DYNLL1: variants seen among roughly 807,000 people sequenced by gnomAD.
The protein encoded by DYNLL1 is dynein light chain LC8-type 1, also known as dynein light chain 1, cytoplasmic.
In DYNLL1, 3 loss-of-function variants were observed where a neutral mutation model predicts 10.1. The ratio of observed to expected loss-of-function variants is 0.30; its 90% CI spans 0.14 to 0.77. DYNLL1 has a LOEUF of 0.77. DYNLL1 is among the 30% of genes least tolerant of loss of function. The probability of loss-of-function intolerance (pLI) is 0.66; values close to 1 mark genes in which losing one functional copy is unlikely to be tolerated. For synonymous variants in DYNLL1, 46 were observed against 41.2 expected (o/e 1.12, Z -0.45); for missense variants, 47 against 111.7 (o/e 0.42, Z 2.61).
At chr12:120,478,311 T>C (rs544787995) in intron 1 of DYNLL1, among the ~76,000 whole-genome samples, 146 of 151,508 alleles carry the variant, frequency 9.6e-4, no homozygotes, top group Non-Finnish European at 1.5e-3. Flanking sequence ...TTCTCCATGT[T>C]GGTCAGGCTG....
chr12:120,491,118 C>G (rs991376017), upstream of DYNLL1: 2 of 152,438 alleles, frequency 1.3e-5, no homozygotes, highest in African/African-American at 4.8e-5. Context: ...AATGTCTATT[C>G]TGTGTTGCTC....
chr12:120,498,047 T>C (rs752949866), intron 2 of DYNLL1, 26 bp from the exon 3 acceptor site: 8 of 1,609,452 alleles, frequency 5.0e-6, no homozygotes. Context: ...ATTAAAATCC[T>C]AGTTCTTTTC....
At chr12:120,493,105 C>T (rs76230314), upstream of DYNLL1, among the ~76,000 whole-genome samples, 6,894 of 152,224 alleles carry the variant, frequency 0.045, 260 homozygotes, top group South Asian at 0.099. Context: ...ACATATCACT[C>T]ATAGTGTCTG....
At chr12:120,480,897 C>T (rs1229798597) in intron 1 of DYNLL1, among the ~76,000 whole-genome samples, 1 of 151,838 alleles carries the variant, frequency 6.6e-6, no homozygotes, top group Non-Finnish European at 1.5e-5. Flanking sequence ...GTAGCTGGGA[C>T]TACAGGCGCC....
At chr12:120,486,080 G>A (rs1878987696) in intron 1 of DYNLL1, among the ~76,000 whole-genome samples, 1 of 152,172 alleles carries the variant, frequency 6.6e-6, no homozygotes, top group Non-Finnish European at 1.5e-5. Flanking sequence ...TAAAACCCCT[G>A]TAAATATTTC....
intron 1 of DYNLL1, among the ~76,000 whole-genome samples, chr12:120,480,358 G>A (rs1878854805): frequency 6.6e-6 from 1 of 152,224 alleles, no homozygotes; most frequent in South Asian, 2.1e-4. Flanking sequence ...AGTGTGTACT[G>A]TGCTAGATGC....
At chr12:120,485,028 C>T (rs1878961279) in intron 1 of DYNLL1, among the ~76,000 whole-genome samples, 1 of 151,886 alleles carries the variant, frequency 6.6e-6, no homozygotes, top group Non-Finnish European at 1.5e-5. Context: ...GCGTGAGCCA[C>T]CGCCCCTGGC....
intron 1 of DYNLL1, among the ~76,000 whole-genome samples, chr12:120,486,011 G>A (rs186872031): frequency 6.6e-6 from 1 of 152,054 alleles, no homozygotes; most frequent in Non-Finnish European, 1.5e-5. Context: ...CTACTACCAT[G>A]TGCATTTATT....
chr12:120,496,197 G>A lies in DYNLL1; in HGVS notation c.-26G>A, dbSNP rs899867631. The A allele has an allele frequency of 6.4e-5, 42 of 652,826 alleles. No homozygotes were observed. Among genetic ancestry groups the A allele is most frequent in the Admixed American group, 2.3e-4 (8 of 34,132 alleles). 40.4% of individuals were successfully genotyped at this position (652,826 alleles called of 1,614,324 possible). On this transcript the variant is annotated 5_prime_UTR_variant, in exon 1 of 3. Transcript: ENST00000242577. The stretch of plus-strand genomic sequence containing the variant: ...CCTCCCCCAGGAGACCGTTGCAGTC[G>A]GCCAGCCCCCTTCTCCACGGTGAGA...
At chr12:120,486,139 T>C (rs1878989270) in intron 1 of DYNLL1, among the ~76,000 whole-genome samples, 1 of 152,244 alleles carries the variant, frequency 6.6e-6, no homozygotes, top group Admixed American at 6.5e-5. Context: ...TGCAGTTGGC[T>C]GCACTCATTA....
At chr12:120,489,385 A>C (rs1200926497) in intron 1 of DYNLL1, among the ~76,000 whole-genome samples, 1 of 152,136 alleles carries the variant, frequency 6.6e-6, no homozygotes, top group African/African-American at 2.4e-5. Context: ...TATTCTTCTC[A>C]TTGTTCAGCT....
chr12:120,496,842 G>T (rs1868434924), intron 2 of DYNLL1: 2 of 583,376 alleles, frequency 3.4e-6, no homozygotes, highest in African/African-American at 1.9e-5. Context: ...CTTCTGTGTG[G>T]TTCCTGCGCC....
At chr12:120,495,331 C>T (rs912866861), upstream of DYNLL1, 2 of 152,178 alleles carry the variant, frequency 1.3e-5, no homozygotes, top group African/African-American at 2.4e-5. Flanking sequence ...GACAAAAACC[C>T]CGGGGCTCAA....
chr12:120,493,546 A>T (rs972419561), upstream of DYNLL1, among the ~76,000 whole-genome samples: 5 of 151,802 alleles, frequency 3.3e-5, no homozygotes, highest in Non-Finnish European at 7.4e-5. Flanking sequence ...ATACTTATTT[A>T]AAAAATAAAG....
chr12:120,479,468 A>AAATAATAATAATAATAATAAT (rs758249930), intron 1 of DYNLL1, among the ~76,000 whole-genome samples: 2 of 109,580 alleles, frequency 1.8e-5, no homozygotes, highest in African/African-American at 6.9e-5. Flanking sequence ...AAAAAAAAAA[A>AAATAATAATAATAATAATAAT]AATAATAATA....
intron 1 of DYNLL1, among the ~76,000 whole-genome samples, chr12:120,489,959 G>C (rs1430594325): frequency 6.6e-6 from 1 of 152,312 alleles, no homozygotes; most frequent in Non-Finnish European, 1.5e-5. Context: ...TGTTGCCCAG[G>C]CTGGTCCCGA....
Position 120,496,372 on chromosome 12 carries a change from G to T in DYNLL1, c.-6-44G>T, listed in dbSNP as rs1868399944. On this transcript the variant is annotated intron_variant, in intron 1 of 2. Coordinates refer to ENST00000242577, the MANE Select transcript of DYNLL1 (RefSeq NM_003746.3). Reference sequence around the variant, plus strand: ...GGGTGGGGGCAGTTAGTGCCTGGGGGGCGCGGCCCAACTCAACCCCTTACC... The same window carrying T: ...GGGTGGGGGCAGTTAGTGCCTGGGGTGCGCGGCCCAACTCAACCCCTTACC... The T allele has an allele frequency of 3.1e-6, 5 of 1,610,250 alleles. No individual in the cohort carries two copies. In the African/African-American group the frequency reaches 5.3e-5, roughly 17 times the overall value.
At position 120,496,502 on chromosome 12, in the gene DYNLL1, G is replaced by A; in HGVS notation, c.81G>A (p.Gln27=). 1.2e-6 allele frequency: 2 copies of A among 1,614,200 alleles called. No homozygotes were observed. The highest frequency in any genetic ancestry group is 1.1e-5 in the South Asian group (1 of 91,088). ...MQQDSVECAT[Q]ALEKYNIEKD... is the part of the protein sequence containing the mutation. ...AGGACTCGGTGGAGTGCGCTACTCA[G>A]GCGCTGGAGAAATACAACATAGAGA... is the stretch of plus-strand genomic sequence containing the variant. Residue 27 remains glutamine (Q), a synonymous_variant, in exon 2 of 3, where the codon CAG becomes CAA. Transcript: ENST00000242577.
At chr12:120,480,771 T>TC (rs1056414173) in intron 1 of DYNLL1, among the ~76,000 whole-genome samples, 7 of 151,878 alleles carry the variant, frequency 4.6e-5, no homozygotes, top group Non-Finnish European at 8.8e-5. Flanking sequence ...TTTCTTTTTT[T>TC]TTTTTTTTGA....
Sources: gnomAD v4.1 joint callset for allele counts (sites outside exome capture counted in the v4.1 genomes callset) on GRCh38, gnomAD v4.1.1 for gene constraint, MANE v1.5 for transcripts, NCBI Gene and HGNC (gene_info 2026-07-23, HGNC 2026-07-21) for gene names.